The following RAB4B variants were observed in gnomAD, a reference collection of about 807,000 sequenced individuals.
RAB4B encodes RAB4B, member RAS oncogene family, also known as ras-related protein Rab-4B.
A neutral mutation model predicts 28.3 loss-of-function variants in RAB4B; 15 were observed. That is an observed-to-expected ratio of 0.53 (90% CI 0.35 to 0.82). The LOEUF (loss-of-function observed/expected upper bound fraction) is 0.82, where lower values mean the gene tolerates loss of function less well. RAB4B is among the 40% of genes least tolerant of loss of function. The pLI is 0.01. For missense variants in RAB4B, 244 were observed against 288.5 expected (o/e 0.85, Z 1.12); for synonymous variants, 108 against 116.3 (o/e 0.93, Z 0.46).
chr19:40,786,937 G>C lies in RAB4B; in HGVS notation c.616G>C (p.Val206Leu), dbSNP rs757746004. ...QLRQPRSAQA[V>L]APQPCGC The stretch of plus-strand genomic sequence containing the variant: ...TCGGCAGCCTCGGAGTGCCCAGGCC[G>C]TGGCCCCTCAGCCGTGTGGCTGCTG... Residue 206 changes from valine to leucine, a missense_variant, in exon 7 of 8, where the codon GTG (valine) becomes CTG (leucine). By Grantham distance (32) the Val-to-Leu change is conservative (BLOSUM62 1). Transcript: ENST00000357052. The C allele has an allele frequency of 6.2e-7, 1 of 1,614,008 alleles. No individual in the cohort carries two copies. The highest frequency in any genetic ancestry group is 8.5e-7 in the Non-Finnish European group (1 of 1,179,946).
intron 7 of RAB4B, among the ~76,000 whole-genome samples, chr19:40,795,716 A>ATTTC (rs1240982808): frequency 7.4e-6 from 1 of 135,942 alleles, no homozygotes; most frequent in Non-Finnish European, 1.6e-5. Context: ...TTATTTATTT[A>ATTTC]TTTATTTTGA....
intron 1 of RAB4B, 74 bp from the exon 2 acceptor site, chr19:40,779,945 G>A: frequency 6.2e-7 from 1 of 1,609,360 alleles, no homozygotes; most frequent in Non-Finnish European, 8.5e-7. Context: ...AGAGAGATTG[G>A]ATTGGAATCC....
At chr19:40,781,653 G>GAA (rs921309614) in intron 3 of RAB4B, among the ~76,000 whole-genome samples, 4 of 152,058 alleles carry the variant, frequency 2.6e-5, no homozygotes, top group Non-Finnish European at 5.9e-5. Flanking sequence ...GAGAGAGAGA[G>GAA]AAATGCGTAG....
chr19:40,786,740 T>C lies in RAB4B; in HGVS notation c.506T>C (p.Ile169Thr), dbSNP rs1187799657. The change falls in exon 6 of 8, where the codon ATC becomes ACC. Residue 169 changes from isoleucine to threonine, a missense_variant. Ile to Thr is a moderately conservative substitution (Grantham distance 89). Coordinates refer to ENST00000357052, the MANE Select transcript of RAB4B (RefSeq NM_016154.5). ...EEAFLKCART[I>T]LNKIDSGELD... Reference sequence around the variant, plus strand: ...GCGTTCCTCAAGTGTGCCCGCACTATCCTCAACAAGATTGACTCAGGTGAG... The same window carrying C: ...GCGTTCCTCAAGTGTGCCCGCACTACCCTCAACAAGATTGACTCAGGTGAG... The C allele has an allele frequency of 6.2e-7, 1 of 1,614,062 alleles. No individual in the cohort carries two copies. The highest frequency in any genetic ancestry group is 1.7e-5 in the Admixed American group (1 of 60,020).
intron 3 of RAB4B, 98 bp from the exon 4 acceptor site, chr19:40,783,680 G>T (rs1017630685): frequency 1.7e-6 from 2 of 1,180,266 alleles, no homozygotes; most frequent in South Asian, 3.9e-5. Flanking sequence ...CAGCAGTGAA[G>T]GGGGGGGCCT....
chr19:40,796,834 A>C lies in RAB4B; in HGVS notation c.*280A>C, dbSNP rs2083213886. 1 of 152,782 alleles carries C rather than the reference A, an allele frequency of 6.5e-6. No individual in the cohort carries two copies. Among genetic ancestry groups the C allele is most frequent in the South Asian group, 2.1e-4 (1 of 4,836 alleles). 9.5% of individuals were successfully genotyped at this position (152,782 alleles called of 1,614,324 possible). ...GCTCCCAAAGCCTGAGACCAGGGTC[A>C]TTTGTCCCCAACTCCCCATCTGGCC... On this transcript the variant is annotated 3_prime_UTR_variant, in exon 8 of 8. Coordinates refer to ENST00000357052, the MANE Select transcript of RAB4B (RefSeq NM_016154.5).
chr19:40,780,365 T>C lies in RAB4B; in HGVS notation c.98-20T>C, dbSNP rs1465646505. 6.3e-7 allele frequency: 1 copy of C among 1,586,874 alleles called. No individual in the cohort carries two copies. Among genetic ancestry groups the C allele is most frequent in the South Asian group, 1.1e-5 (1 of 87,758 alleles). Reference sequence around the variant, plus strand: ...TCTCCTCTCTCCCTGTACTGCCCCTTCTGTTCCTCCTACTCCCAGTCAAAC... The same window carrying C: ...TCTCCTCTCTCCCTGTACTGCCCCTCCTGTTCCTCCTACTCCCAGTCAAAC... On this transcript the variant is annotated intron_variant, in intron 2 of 7. Transcript: ENST00000357052.
chr19:40,794,976 AC>A (rs757121020), intron 7 of RAB4B, among the ~76,000 whole-genome samples: 1 of 113,752 alleles, frequency 8.8e-6, no homozygotes, highest in East Asian at 2.4e-4. Flanking sequence ...ATCAAGTGAA[AC>A]CCCGTCTCTA....
At position 40,780,506 on chromosome 19, in the gene RAB4B, G is replaced by T. The variant is rs1459706750; in HGVS notation, c.212+7G>T. ...CTGGCCAGGAGCGGTTTCGGTAGGTGGGCTGGGCTCCCAAGGGTGATGGGG... is the reference window on the plus strand; with the variant it reads ...CTGGCCAGGAGCGGTTTCGGTAGGTTGGCTGGGCTCCCAAGGGTGATGGGG... On this transcript the variant is annotated splice_region_variant and intron_variant, in intron 3 of 7. Coordinates refer to ENST00000357052, the MANE Select transcript of RAB4B (RefSeq NM_016154.5). The T allele has an allele frequency of 4.3e-6, 7 of 1,610,922 alleles. No individual in the cohort carries two copies. The African/African-American group carries it at 9.4e-5, about 22-fold the overall frequency.
At chr19:40,786,363 T>C in intron 5 of RAB4B, 1 of 357,310 alleles carries the variant, frequency 2.8e-6, no homozygotes. Flanking sequence ...AGCAGTGGGG[T>C]CAGGGCCAGG....
intron 3 of RAB4B, among the ~76,000 whole-genome samples, chr19:40,780,889 A>G (rs968552732): frequency 1.3e-5 from 2 of 151,958 alleles, no homozygotes; most frequent in Non-Finnish European, 2.9e-5. Context: ...AGAGACACCG[A>G]AACAGAAAGA....
chr19:40,786,789 C>T (rs770094545), intron 6 of RAB4B, 29 bp downstream of exon 6: 22 of 1,613,882 alleles, frequency 1.4e-5, no homozygotes, highest in Middle Eastern at 1.6e-4. Context: ...CGAGTGGGAG[C>T]GAAGGGCAGG....
intron 3 of RAB4B, among the ~76,000 whole-genome samples, chr19:40,781,885 G>T (rs913993064): frequency 1.3e-5 from 2 of 151,972 alleles, no homozygotes; most frequent in African/African-American, 4.8e-5. Flanking sequence ...GCTGGGTGTG[G>T]TGGCAGACGC....
At chr19:40,786,527 A>C in intron 5 of RAB4B, 138 bp from the exon 6 acceptor site, 2 of 1,297,786 alleles carry the variant, frequency 1.5e-6, no homozygotes. Flanking sequence ...GTGGCAGGGA[A>C]ATGGCATGCG....
intron 7 of RAB4B, among the ~76,000 whole-genome samples, chr19:40,792,981 G>A (rs1231857737): frequency 1.3e-5 from 2 of 151,822 alleles, no homozygotes; most frequent in South Asian, 2.1e-4. Flanking sequence ...GCATTTGACC[G>A]TGGCCAGGCT....
chr19:40,789,314 T>C (rs977285703), intron 7 of RAB4B, among the ~76,000 whole-genome samples: 6 of 152,082 alleles, frequency 3.9e-5, no homozygotes, highest in African/African-American at 1.4e-4. Flanking sequence ...GCAATTCTCC[T>C]GCCTCAGTCT....
At chr19:40,779,765 A>C in intron 1 of RAB4B, 1 of 894,950 alleles carries the variant, frequency 1.1e-6, no homozygotes, top group Non-Finnish European at 1.5e-6. Flanking sequence ...AAACAACGAC[A>C]AAAAAACCCC....
intron 3 of RAB4B, among the ~76,000 whole-genome samples, chr19:40,780,888 G>A (rs151032184): frequency 9.5e-4 from 145 of 151,896 alleles, no homozygotes; most frequent in African/African-American, 3.3e-3. Flanking sequence ...GAGAGACACC[G>A]AAACAGAAAG....
chr19:40,788,664 G>A (rs1365677426), intron 7 of RAB4B, among the ~76,000 whole-genome samples: 1 of 150,530 alleles, frequency 6.6e-6, no homozygotes, highest in East Asian at 1.9e-4. Context: ...TCGGCTCACT[G>A]AAACCTCCGC....
Sources: allele counts gnomAD v4.1 joint callset (sites outside exome capture counted in the v4.1 genomes callset), GRCh38; gene constraint gnomAD v4.1.1; transcripts MANE v1.5; gene names NCBI Gene and HGNC (gene_info 2026-07-23, HGNC 2026-07-21).